The following SOX5 variants were observed in gnomAD, a reference collection of about 807,000 sequenced individuals.
The protein encoded by SOX5 is transcription factor SOX-5.
A neutral mutation model predicts 92.0 loss-of-function variants in SOX5; 9 were observed. The ratio of observed to expected loss-of-function variants is 0.10; its 90% CI spans 0.06 to 0.17. The LOEUF (loss-of-function observed/expected upper bound fraction) is 0.17, where lower values mean the gene tolerates loss of function less well. Ranked by LOEUF, SOX5 falls within the 10% of genes least tolerant of loss-of-function variation. SOX5 has a pLI of 1.00. For missense variants in SOX5, 642 were observed against 944.5 expected (o/e 0.68, Z 4.20); for synonymous variants, 344 against 336.3 (o/e 1.02, Z -0.25).
At chr12:24,402,506 CTTGTT>C (rs1263664773) in intron 1 of SOX5, among the ~76,000 whole-genome samples, 1 of 152,140 alleles carries the variant, frequency 6.6e-6, no homozygotes, top group African/African-American at 2.4e-5. Context: ...CAGCTACTCT[CTTGTT>C]TTAAGAACCT....
intron 9 of SOX5, among the ~76,000 whole-genome samples, chr12:23,579,816 T>A (rs921285879): frequency 6.6e-6 from 1 of 152,058 alleles, no homozygotes; most frequent in Non-Finnish European, 1.5e-5. Flanking sequence ...TATGAGTAAT[T>A]TTCAAGGTCA....
intron 4 of SOX5, among the ~76,000 whole-genome samples, chr12:24,144,433 G>C (rs1473376942): frequency 2.0e-5 from 3 of 152,068 alleles, no homozygotes; most frequent in Non-Finnish European, 4.4e-5. Context: ...CTACCTAAAA[G>C]ATAATTTACT....
chr12:23,974,342 T>A (rs1948681459), intron 4 of SOX5, among the ~76,000 whole-genome samples: 2 of 152,192 alleles, frequency 1.3e-5, no homozygotes, highest in South Asian at 4.1e-4. Flanking sequence ...AGTGTTGATA[T>A]CTCTTTGACG....
chr12:24,476,332 C>T (rs1017461121), intron 1 of SOX5, among the ~76,000 whole-genome samples: 22 of 152,200 alleles, frequency 1.4e-4, no homozygotes, highest in African/African-American at 4.6e-4. Flanking sequence ...CCTTAGTCCA[C>T]GACAGATTAG....
At chr12:24,178,244 C>CTTTT (rs5797065) in intron 4 of SOX5, among the ~76,000 whole-genome samples, 2 of 109,572 alleles carry the variant, frequency 1.8e-5, no homozygotes, top group East Asian at 2.7e-4. Flanking sequence ...AAGAGCTTGA[C>CTTTT]TTTTTTTTTT....
At chr12:24,112,323 G>A (rs932986837) in intron 4 of SOX5, among the ~76,000 whole-genome samples, 3 of 152,048 alleles carry the variant, frequency 2.0e-5, no homozygotes, top group African/African-American at 7.2e-5. Flanking sequence ...ATTCATTTAT[G>A]TACTATGTAT....
chr12:24,441,986 A>G (rs182485653), intron 1 of SOX5, among the ~76,000 whole-genome samples: 14 of 152,352 alleles, frequency 9.2e-5, no homozygotes, highest in Admixed American at 7.8e-4. Context: ...TAGGAAACTT[A>G]AAACAGTGGA....
intron 2 of SOX5, among the ~76,000 whole-genome samples, chr12:23,887,619 T>C (rs936814638): frequency 5.9e-5 from 9 of 152,096 alleles, no homozygotes; most frequent in South Asian, 2.1e-4. Flanking sequence ...TTCATCATTC[T>C]CTCCATTGCA....
intron 4 of SOX5, among the ~76,000 whole-genome samples, chr12:24,198,093 T>G (rs913110161): frequency 6.6e-6 from 1 of 152,200 alleles, no homozygotes; most frequent in Non-Finnish European, 1.5e-5. Context: ...TTATTATTAT[T>G]AATCTTATTG....
At chr12:23,638,046 T>C (rs2079513711) in intron 8 of SOX5, 1 of 151,782 alleles carries the variant, frequency 6.6e-6, no homozygotes, top group South Asian at 2.1e-4. Context: ...AGGTAGCTCC[T>C]GGCCAATAGT....
At chr12:24,095,542 G>T (rs756860481) in intron 4 of SOX5, among the ~76,000 whole-genome samples, 3 of 151,664 alleles carry the variant, frequency 2.0e-5, no homozygotes, top group Admixed American at 6.6e-5. Flanking sequence ...CTCTGCTTCT[G>T]GCATCACTTG....
intron 4 of SOX5, among the ~76,000 whole-genome samples, chr12:24,052,970 C>T (rs1404063801): frequency 1.3e-5 from 2 of 152,168 alleles, no homozygotes; most frequent in East Asian, 3.9e-4. Context: ...TCATCTTTCC[C>T]CATTGTCCCA....
intron 1 of SOX5, among the ~76,000 whole-genome samples, chr12:24,538,327 T>C (rs1392656815): frequency 1.3e-5 from 2 of 152,140 alleles, no homozygotes; most frequent in Non-Finnish European, 2.9e-5. Flanking sequence ...CACTTAAACA[T>C]GAGACTCTTA....
chr12:24,472,938 C>A (rs1944963516), intron 1 of SOX5, among the ~76,000 whole-genome samples: 1 of 151,986 alleles, frequency 6.6e-6, no homozygotes, highest in African/African-American at 2.4e-5. Flanking sequence ...GTCACTCATT[C>A]TGCAGTACAA....
chr12:24,187,554 C>T (rs1956135191), intron 4 of SOX5, among the ~76,000 whole-genome samples: 1 of 152,138 alleles, frequency 6.6e-6, no homozygotes, highest in Non-Finnish European at 1.5e-5. Context: ...CATTTATCTA[C>T]ATATTAGTTT....
At chr12:23,877,576 G>A (rs2096941362) in intron 2 of SOX5, among the ~76,000 whole-genome samples, 1 of 152,024 alleles carries the variant, frequency 6.6e-6, no homozygotes, top group South Asian at 2.1e-4. Context: ...TTTAATAAGA[G>A]ATATATCAAA....
At chr12:24,110,784 C>T (rs1947234571) in intron 4 of SOX5, among the ~76,000 whole-genome samples, 1 of 150,878 alleles carries the variant, frequency 6.6e-6, no homozygotes, top group Non-Finnish European at 1.5e-5. Context: ...GCCTGTAGGC[C>T]CAGCTACTCG....
intron 2 of SOX5, among the ~76,000 whole-genome samples, chr12:24,362,443 A>G (rs1955684907): frequency 6.6e-6 from 1 of 152,210 alleles, no homozygotes; most frequent in South Asian, 2.1e-4. Context: ...GTAACAGCCT[A>G]TTTGGACTGA....
chr12:23,924,257 C>T (rs1465260427), intron 1 of SOX5, among the ~76,000 whole-genome samples: 1 of 152,172 alleles, frequency 6.6e-6, no homozygotes, highest in African/African-American at 2.4e-5. Flanking sequence ...CATATTATTG[C>T]TTCTTTCACA....
Sources: gnomAD v4.1 joint callset for allele counts (sites outside exome capture counted in the v4.1 genomes callset) on GRCh38, gnomAD v4.1.1 for gene constraint, MANE v1.5 for transcripts, NCBI Gene and HGNC (gene_info 2026-07-23, HGNC 2026-07-21) for gene names.